The following DLG2 variants were observed in gnomAD, a reference collection of about 807,000 sequenced individuals.
DLG2 encodes discs large MAGUK scaffold protein 2.
Under a neutral mutation model 132.5 loss-of-function variants are expected in DLG2, and 45 were observed. That is an observed-to-expected ratio of 0.34 (90% CI 0.27 to 0.44). The LOEUF (loss-of-function observed/expected upper bound fraction) is 0.44, where lower values mean the gene tolerates loss of function less well. DLG2 is among the 20% of genes least tolerant of loss of function. The pLI is 1.00. For missense variants in DLG2, 1,045 were observed against 1,196.9 expected, an observed-to-expected ratio of 0.87 and a Z score of 1.87; for synonymous variants, 424 against 419.6, an observed-to-expected ratio of 1.01 and a Z score of -0.13.
At chr11:85,292,654 AAGGGAGGGAGGGAGGGAGGGAGGG>A (rs1175223389) in intron 3 of DLG2, among the ~76,000 whole-genome samples, 13 of 36,562 alleles carry the variant, frequency 3.6e-4, no homozygotes, top group South Asian at 1.2e-3. Flanking sequence ...GGAAGGAAGG[AAGGGAGGGAGGGAGGGAGGGAGGG>A]AGGGAGGGAG....
chr11:84,977,838 A>G (rs1001909492), intron 6 of DLG2, among the ~76,000 whole-genome samples: 39 of 152,292 alleles, frequency 2.6e-4, no homozygotes, highest in African/African-American at 9.1e-4. Context: ...GGAGATTTGT[A>G]TCATTTACTC....
chr11:83,538,298 C>T (rs574147611), intron 20 of DLG2, among the ~76,000 whole-genome samples: 15 of 152,292 alleles, frequency 9.8e-5, no homozygotes, highest in Admixed American at 9.2e-4. Context: ...GGGAGCAAGA[C>T]ATGGACTTCC....
intron 8 of DLG2, among the ~76,000 whole-genome samples, chr11:84,167,408 C>T (rs2095693250): frequency 6.6e-6 from 1 of 151,862 alleles, no homozygotes; most frequent in South Asian, 2.1e-4. Context: ...TTTTCTCCAA[C>T]AGCTTTTAGT....
chr11:83,760,505 C>T (rs2153751828), intron 18 of DLG2, among the ~76,000 whole-genome samples: 1 of 151,870 alleles, frequency 6.6e-6, no homozygotes, highest in East Asian at 1.9e-4. Context: ...CAGGTGCCTG[C>T]CACCACGCCC....
In DLG2 at chr11:84,408,624, A is replaced by T. The variant is rs189084206; in HGVS notation, c.519+125946T>A. ...ATATAGATAAAAATGCAATGAAATTATTGCAGAAGTGACTTCTTCCTACCA... is the reference window on the plus strand; with the variant it reads ...ATATAGATAAAAATGCAATGAAATTTTTGCAGAAGTGACTTCTTCCTACCA... On this transcript the variant is annotated intron_variant, in intron 7 of 27. Transcript: ENST00000376104. Among the ~76,000 whole-genome samples, 3 of 152,318 alleles carry T rather than the reference A, an allele frequency of 2.0e-5. No homozygotes were observed. In the East Asian group the frequency reaches 5.8e-4, roughly 29 times the overall value.
At chr11:85,226,979 T>G (rs1452256312) in intron 4 of DLG2, among the ~76,000 whole-genome samples, 2 of 152,150 alleles carry the variant, frequency 1.3e-5, no homozygotes, top group African/African-American at 4.8e-5. Context: ...AATGTTACAA[T>G]TAGACATCTT....
chr11:84,711,743 A>C (rs896297534), intron 6 of DLG2, among the ~76,000 whole-genome samples: 1 of 151,996 alleles, frequency 6.6e-6, no homozygotes, highest in African/African-American at 2.4e-5. Context: ...GCTCACCCAC[A>C]TTAGGGAGGA....
intron 18 of DLG2, among the ~76,000 whole-genome samples, chr11:83,777,844 T>C (rs1341729637): frequency 6.6e-6 from 1 of 152,182 alleles, no homozygotes; most frequent in Non-Finnish European, 1.5e-5. Flanking sequence ...TGTTATTTGA[T>C]GGCATGTTTT....
chr11:85,612,701 T>C (rs1209904008), intron 2 of DLG2, among the ~76,000 whole-genome samples: 1 of 152,156 alleles, frequency 6.6e-6, no homozygotes, highest in African/African-American at 2.4e-5. Context: ...TCAGACCTTA[T>C]CAGTACCCCT....
At chr11:85,145,120 T>A (rs1470898667) in intron 5 of DLG2, among the ~76,000 whole-genome samples, 1 of 152,066 alleles carries the variant, frequency 6.6e-6, no homozygotes, top group Non-Finnish European at 1.5e-5. Context: ...GTTTCATTTT[T>A]TTTTTCCTTC....
At chr11:84,352,653 C>T (rs1209527339) in intron 7 of DLG2, among the ~76,000 whole-genome samples, 4 of 151,998 alleles carry the variant, frequency 2.6e-5, no homozygotes, top group Admixed American at 1.3e-4. Context: ...AATTCATTGG[C>T]GCAAGTAGTG....
chr11:84,834,848 G>A (rs1483673298), intron 6 of DLG2, among the ~76,000 whole-genome samples: 1 of 150,748 alleles, frequency 6.6e-6, no homozygotes. Context: ...TTTCTCCAGG[G>A]CAACATTTCC....
At chr11:85,123,090 G>C (rs2074619824) in intron 5 of DLG2, among the ~76,000 whole-genome samples, 1 of 147,266 alleles carries the variant, frequency 6.8e-6, no homozygotes. Context: ...CCATTCTCCT[G>C]CCTCAGCCTC....
chr11:83,874,634 C>T (rs2064295831), intron 15 of DLG2, 146 bp from the exon 16 acceptor site: 1 of 445,938 alleles, frequency 2.2e-6, no homozygotes, highest in East Asian at 3.7e-5. Context: ...TGTGCTGCAC[C>T]CATTAACTCG....
At chr11:85,097,705 G>A (rs2070115971) in intron 6 of DLG2, among the ~76,000 whole-genome samples, 1 of 152,102 alleles carries the variant, frequency 6.6e-6, no homozygotes, top group South Asian at 2.1e-4. Flanking sequence ...TGTTGCCAAG[G>A]GCTCTCCTCA....
chr11:84,902,757 G>T (rs868788314), intron 6 of DLG2, among the ~76,000 whole-genome samples: 1 of 152,064 alleles, frequency 6.6e-6, no homozygotes, highest in Non-Finnish European at 1.5e-5. Flanking sequence ...TACTCAACAC[G>T]TGCAAACTGT....
At chr11:84,608,066 C>T (rs994429232) in intron 6 of DLG2, among the ~76,000 whole-genome samples, 1 of 152,134 alleles carries the variant, frequency 6.6e-6, no homozygotes, top group South Asian at 2.1e-4. Flanking sequence ...AAATTGAAGA[C>T]AATTCCTTAT....
At chr11:85,203,671 A>G (rs1438293453) in intron 4 of DLG2, among the ~76,000 whole-genome samples, 1 of 152,122 alleles carries the variant, frequency 6.6e-6, no homozygotes, top group Non-Finnish European at 1.5e-5. Context: ...AAAAGAAAAT[A>G]CTTCCAAACT....
intron 7 of DLG2, among the ~76,000 whole-genome samples, chr11:84,291,248 C>T (rs1243361836): frequency 6.6e-6 from 1 of 152,024 alleles, no homozygotes; most frequent in African/African-American, 2.4e-5. Flanking sequence ...AGAAATAAAT[C>T]CAATCAGGTA....
Sources: gnomAD v4.1 joint callset for allele counts (sites outside exome capture counted in the v4.1 genomes callset) on GRCh38, gnomAD v4.1.1 for gene constraint, MANE v1.5 for transcripts, NCBI Gene and HGNC (gene_info 2026-07-23, HGNC 2026-07-21) for gene names.